Variants in MGAT4C observed in about 807,000 individuals in gnomAD.
MGAT4C encodes MGAT4 family member C, also known as alpha-1,3-mannosyl-glycoprotein 4-beta-N-acetylglucosaminyltransferase C.
MGAT4C carries 19 observed loss-of-function variants against 40.1 expected under a neutral mutation model. The observed-to-expected ratio is 0.47, with a 90% confidence interval of 0.33 to 0.70. MGAT4C has a LOEUF of 0.70. MGAT4C is among the 30% of genes least tolerant of loss of function. MGAT4C has a pLI of 0.02. For synonymous variants in MGAT4C, 181 were observed against 187.1 expected (o/e 0.97, Z 0.27); for missense variants, 491 against 563.2 (o/e 0.87, Z 1.30).
intron 3 of MGAT4C, among the ~76,000 whole-genome samples, chr12:86,371,064 A>G (rs566888212): frequency 6.6e-6 from 1 of 152,188 alleles, no homozygotes; most frequent in East Asian, 1.9e-4. Flanking sequence ...ACTGAGTCTT[A>G]CAAGATTAAT....
chr12:86,059,465 A>G (rs534602044), intron 1 of MGAT4C, among the ~76,000 whole-genome samples: 3 of 152,222 alleles, frequency 2.0e-5, no homozygotes, highest in Non-Finnish European at 4.4e-5. Context: ...AGTTCTCTGC[A>G]GGAGCTGGGC....
chr12:86,521,468 TG>T (rs1958793847), intron 2 of MGAT4C, among the ~76,000 whole-genome samples: 1 of 152,186 alleles, frequency 6.6e-6, no homozygotes, highest in Non-Finnish European at 1.5e-5. Context: ...CTCTGTTTAC[TG>T]TAGCCCTGTA....
chr12:86,832,088 A>G (rs901419564), intron 1 of MGAT4C, among the ~76,000 whole-genome samples: 4 of 151,652 alleles, frequency 2.6e-5, no homozygotes, highest in Non-Finnish European at 5.9e-5. Context: ...TCTACAAAAA[A>G]TACTGTAGGC....
rs537452627 is a variant in MGAT4C, at chr12:86,139,505, T to A, written c.-56-89782A>T. Among the ~76,000 whole-genome samples, 41 of 152,156 alleles carry A rather than the reference T, an allele frequency of 2.7e-4. 1 individual carries two copies. In the East Asian group the frequency reaches 3.7e-3, roughly 14 times the overall value. ...TCATATATGTTATATGAATCTTTTT[T>A]TAAAATTTTCACGGATGTATAATAT... On this transcript the variant is annotated intron_variant, in intron 1 of 4. Transcript: ENST00000611864.
intron 1 of MGAT4C, among the ~76,000 whole-genome samples, chr12:86,171,041 A>G (rs1183351714): frequency 6.6e-6 from 1 of 152,060 alleles, no homozygotes; most frequent in Non-Finnish European, 1.5e-5. Flanking sequence ...ATACTCTGAG[A>G]CTTTTCAATA....
intron 2 of MGAT4C, among the ~76,000 whole-genome samples, chr12:86,455,910 C>T (rs1057467306): frequency 1.4e-4 from 21 of 151,824 alleles, no homozygotes; most frequent in African/African-American, 2.4e-4. Flanking sequence ...TTATAACAAA[C>T]GCTTCTAATG....
chr12:86,391,015 A>C (rs1436868771), intron 3 of MGAT4C, among the ~76,000 whole-genome samples: 1 of 152,186 alleles, frequency 6.6e-6, no homozygotes, highest in African/African-American at 2.4e-5. Context: ...GGGTTACAGA[A>C]TATGGGGCTA....
intron 2 of MGAT4C, among the ~76,000 whole-genome samples, chr12:86,538,260 TAAG>T (rs1266589487): frequency 6.6e-6 from 1 of 152,170 alleles, no homozygotes; most frequent in East Asian, 1.9e-4. Flanking sequence ...TTTTCAGAGT[TAAG>T]AAGAGAGGAA....
At chr12:86,563,018 G>A (rs1959940755) in intron 2 of MGAT4C, among the ~76,000 whole-genome samples, 1 of 152,094 alleles carries the variant, frequency 6.6e-6, no homozygotes, top group Non-Finnish European at 1.5e-5. Flanking sequence ...GGGATCCAAA[G>A]GCTTAGGGAG....
intron 1 of MGAT4C, among the ~76,000 whole-genome samples, chr12:86,062,400 T>A (rs1565926959): frequency 6.6e-6 from 1 of 152,100 alleles, no homozygotes; most frequent in African/African-American, 2.4e-5. Flanking sequence ...CAAAGGTAGA[T>A]CAATCTATGA....
intron 1 of MGAT4C, among the ~76,000 whole-genome samples, chr12:86,225,906 C>A (rs980942195): frequency 4.6e-5 from 7 of 151,912 alleles, no homozygotes; most frequent in Admixed American, 3.9e-4. Context: ...CTATTTTCAG[C>A]ACTTGTATTA....
chr12:86,712,578 A>T (rs1003862912), intron 2 of MGAT4C, among the ~76,000 whole-genome samples: 4 of 152,088 alleles, frequency 2.6e-5, no homozygotes, highest in Admixed American at 2.6e-4. Flanking sequence ...TGTCACTGTG[A>T]CTCATGACGA....
intron 2 of MGAT4C, among the ~76,000 whole-genome samples, chr12:86,597,946 G>T (rs1961604371): frequency 6.6e-6 from 1 of 151,982 alleles, no homozygotes; most frequent in Non-Finnish European, 1.5e-5. Flanking sequence ...ATTCGAACTT[G>T]TTGGTCCTAT....
intron 1 of MGAT4C, among the ~76,000 whole-genome samples, chr12:86,807,968 T>C (rs1342426411): frequency 1.3e-5 from 2 of 151,696 alleles, no homozygotes; most frequent in Non-Finnish European, 2.9e-5. Context: ...CACTTTTTAA[T>C]GGTTTTTTTT....
intron 2 of MGAT4C, among the ~76,000 whole-genome samples, chr12:86,707,364 G>T (rs1950476225): frequency 6.6e-6 from 1 of 152,050 alleles, no homozygotes; most frequent in Non-Finnish European, 1.5e-5. Flanking sequence ...AGGCTGAGGT[G>T]GTCTCAGACG....
chr12:86,203,056 T>TGTGTGTGTGTG (rs1555246936), intron 1 of MGAT4C, among the ~76,000 whole-genome samples: 1 of 131,060 alleles, frequency 7.6e-6, no homozygotes, highest in African/African-American at 2.8e-5. Flanking sequence ...GTGTGTGTGT[T>TGTGTGTGTGTG]TTTACATAGC....
chr12:86,514,067 AACACACACACACACAC>A lies in MGAT4C; in HGVS notation c.-228-78818_-228-78803del, dbSNP rs71078908. ...TAAGTGTTGAATGAAGCCATGCACC[AACACACACACACACAC>A]ACACACACACACACACACACACACA... On this transcript the variant is annotated intron_variant, in intron 2 of 7. Transcript: ENST00000548651. Among the ~76,000 whole-genome samples the A allele has an allele frequency of 5.4e-4, 72 of 134,018 alleles. 1 individual carries two copies. In the South Asian group the frequency reaches 0.015, roughly 29 times the overall value. The allele number at this position is 134,018 out of a possible 152,430, so 87.9% of individuals were successfully genotyped here. A position where few individuals can be genotyped will look rare whatever the true frequency, so the allele number is the denominator to read the frequency against.
chr12:86,020,783 A>G (rs1012224190), intron 2 of MGAT4C, among the ~76,000 whole-genome samples: 29 of 152,190 alleles, frequency 1.9e-4, no homozygotes, highest in Admixed American at 1.9e-3. Context: ...AGAAACTACC[A>G]TCAGAGTGAA....
intron 4 of MGAT4C, among the ~76,000 whole-genome samples, chr12:86,321,764 C>A (rs2136162856): frequency 6.6e-6 from 1 of 152,218 alleles, no homozygotes; most frequent in Non-Finnish European, 1.5e-5. Flanking sequence ...AACACTTTTA[C>A]ACTGTTGGTG....
Sources: allele counts gnomAD v4.1 joint callset (sites outside exome capture counted in the v4.1 genomes callset), GRCh38; gene constraint gnomAD v4.1.1; transcripts MANE v1.5; gene names NCBI Gene and HGNC (gene_info 2026-07-23, HGNC 2026-07-21).